The following TUBA3C variants were observed in gnomAD, a reference collection of about 807,000 sequenced individuals.
TUBA3C encodes the protein tubulin alpha-3C chain.
Under a neutral mutation model 33.4 loss-of-function variants are expected in TUBA3C, and 23 were observed. The observed-to-expected ratio is 0.69, with a 90% CI of 0.50 to 0.98. The LOEUF is 0.98. TUBA3C is among the 50% of genes least tolerant of loss of function. TUBA3C has a pLI of 0.00. For synonymous variants in TUBA3C, 269 were observed against 250.4 expected, an observed-to-expected ratio of 1.07 and a Z score of -0.70; for missense variants, 402 against 616.0, an observed-to-expected ratio of 0.65 and a Z score of 3.68.
chr13:19,178,396 T>C lies in TUBA3C; in HGVS notation c.227-2A>G, dbSNP rs1349773813. On this transcript the variant is annotated splice_acceptor_variant, in intron 2 of 4. Transcript: ENST00000400113. LOFTEE classifies it high-confidence loss of function. ...TATAGGTTCCTGTGCGCACTTCATC[T>C]ACAAAAGAGACCGTATGTACTGTGA... 22 of 1,613,530 alleles carry C rather than the reference T, an allele frequency of 1.4e-5. No homozygotes were observed. The highest frequency in any genetic ancestry group is 1.9e-5 in the Non-Finnish European group (22 of 1,179,706).
rs376166609 is a variant in TUBA3C, at chr13:19,180,775, G to A, written c.3+970C>T. On this transcript the variant is annotated intron_variant, in intron 1 of 4. Transcript: ENST00000400113. ...CTCCCAAAGTGCTGGGATTACAGGC[G>A]TGAGCCACAGCGCCCGGCCGAAAAA... is the stretch of plus-strand genomic sequence containing the variant. 4.7e-4 allele frequency among the ~76,000 whole-genome samples: 72 copies of A among 151,888 alleles called. 1 individual carries two copies. Among genetic ancestry groups the A allele is most frequent in the Middle Eastern group, 3.4e-3 (1 of 294 alleles).
chr13:19,180,409 G>A (rs972417681), intron 1 of TUBA3C, among the ~76,000 whole-genome samples: 6 of 152,196 alleles, frequency 3.9e-5, no homozygotes, highest in African/African-American at 7.2e-5. Context: ...CTGACAAGCC[G>A]GATGTGGTGG....
chr13:19,176,763 A>G (rs2774491), intron 4 of TUBA3C, among the ~76,000 whole-genome samples, 164 bp downstream of exon 4: 7 of 144,054 alleles, frequency 4.9e-5, no homozygotes, highest in Non-Finnish European at 1.1e-4. Context: ...AAAAAAAGAC[A>G]TCACTGAATT....
chr13:19,174,387 G>C (rs1426365252), intron 4 of TUBA3C, among the ~76,000 whole-genome samples: 1 of 151,450 alleles, frequency 6.6e-6, no homozygotes, highest in Non-Finnish European at 1.5e-5. Flanking sequence ...ACCCACCCCA[G>C]CCTCCCAAAG....
In TUBA3C at chr13:19,173,899, G is replaced by C; in HGVS notation, c.1317C>G (p.Ser439=). 6.2e-7 allele frequency: 1 copy of C among 1,613,794 alleles called. No individual in the cohort carries two copies. The highest frequency in any genetic ancestry group is 8.5e-7 in the Non-Finnish European group (1 of 1,179,788). The part of the protein sequence containing the change: ...EKDYEEVGVD[S]VEAEAEEGEE... The stretch of plus-strand genomic sequence containing the variant: ...CACCTTCTTCAGCCTCGGCTTCCAC[G>C]GAATCCACGCCCACCTCTTCATAAT... The change falls in exon 5 of 5, where the codon TCC becomes TCG. Residue 439 remains serine (S), a synonymous_variant. Coordinates refer to ENST00000400113, the MANE Select transcript of TUBA3C (RefSeq NM_006001.3).
At position 19,177,717 on chromosome 13, in the gene TUBA3C, A is replaced by G. The variant is rs970617781; in HGVS notation, c.376-110T>C. 5 of 1,368,678 alleles carry G rather than the reference A, an allele frequency of 3.7e-6. No homozygotes were observed. The highest frequency in any genetic ancestry group is 4.9e-6 in the Non-Finnish European group (5 of 1,017,746). The allele number at this position is 1,368,678 out of a possible 1,614,324, so 84.8% of individuals were successfully genotyped here. On this transcript the variant is annotated intron_variant, in intron 3 of 4. Transcript: ENST00000400113. The surrounding 1 kb of genome is among the most constrained non-coding windows in gnomAD (Gnocchi z 5.0). Reference sequence around the variant, plus strand: ...TGAAGACTTGATATGGATTCCAATCATCCATAATAAACACGCAGTACACTC... The same window carrying G: ...TGAAGACTTGATATGGATTCCAATCGTCCATAATAAACACGCAGTACACTC...
chr13:19,180,145 CAGG>C (rs1420351042), intron 1 of TUBA3C, among the ~76,000 whole-genome samples: 2 of 152,174 alleles, frequency 1.3e-5, no homozygotes. Context: ...CAGGCAGCCG[CAGG>C]AGACCAGGAG....
At position 19,178,333 on chromosome 13, in the gene TUBA3C, C is replaced by T; in HGVS notation, c.288G>A (p.Lys96=). ...LFHPEQLITG[K]EDAANNYARG... ...TGGCGTAATTATTGGCCGCATCTTCCTTCCCGGTGATCAGCTGCTCTGGGT... is the reference window on the plus strand; with the variant it reads ...TGGCGTAATTATTGGCCGCATCTTCTTTCCCGGTGATCAGCTGCTCTGGGT... Residue 96 remains lysine, a synonymous_variant, in exon 3 of 5, where the codon AAG becomes AAA. Coordinates refer to ENST00000400113, the MANE Select transcript of TUBA3C (RefSeq NM_006001.3). 6.2e-7 allele frequency: 1 copy of T among 1,614,180 alleles called. No individual in the cohort carries two copies. Among genetic ancestry groups the T allele is most frequent in the African/African-American group, 1.3e-5 (1 of 75,048 alleles).
intron 1 of TUBA3C, among the ~76,000 whole-genome samples, chr13:19,180,326 C>T (rs776871557): frequency 6.6e-6 from 1 of 152,030 alleles, no homozygotes; most frequent in Non-Finnish European, 1.5e-5. Flanking sequence ...CCCCTTGAAG[C>T]CTAGGAGTGT....
chr13:19,181,729 A>G lies in TUBA3C; in HGVS notation c.3+16T>C. ...CCAGCCTGGGCGTCTGCGGGGTGGG[A>G]GTGACCTGGCCTTACCATGTTGAGC... is the stretch of plus-strand genomic sequence containing the variant. On this transcript the variant is annotated intron_variant, in intron 1 of 4. Transcript: ENST00000400113. 1 of 1,602,068 alleles carries G rather than the reference A, an allele frequency of 6.2e-7. No homozygotes were observed. The highest frequency in any genetic ancestry group is 8.5e-7 in the Non-Finnish European group (1 of 1,179,912).
Position 19,181,741 on chromosome 13 carries a change from T to C in TUBA3C, c.3+4A>G, listed in dbSNP as rs1374044074. 10 of 1,602,314 alleles carry C rather than the reference T, an allele frequency of 6.2e-6. No homozygotes were observed. In the East Asian group the frequency reaches 1.8e-4, roughly 29 times the overall value. ...TCTGCGGGGTGGGAGTGACCTGGCC[T>C]TACCATGTTGAGCTCCTCCGCTGCC... On this transcript the variant is annotated splice_donor_region_variant and intron_variant, in intron 1 of 4. Transcript: ENST00000400113.
At position 19,177,023 on chromosome 13, in the gene TUBA3C, C is replaced by T. The variant is rs776374762; in HGVS notation, c.960G>A (p.Arg320=). The change falls in exon 4 of 5, where the codon AGG becomes AGA. Residue 320 remains arginine, a synonymous_variant. Coordinates refer to ENST00000400113, the MANE Select transcript of TUBA3C (RefSeq NM_006001.3). The surrounding 1 kb of genome is among the most constrained non-coding windows in gnomAD (Gnocchi z 5.0). ...GKYMACCMLY[R]GDVVPKDVNA... ...TGACATCTTTCGGGACCACATCCCC[C>T]CTGTACAACATGCAGCAGGCCATGT... 5.0e-6 allele frequency: 8 copies of T among 1,614,038 alleles called. No homozygotes were observed. The highest frequency in any genetic ancestry group is 2.2e-5 in the East Asian group (1 of 44,886).
chr13:19,176,837 C>T lies in TUBA3C; in HGVS notation c.1056+90G>A. 2.1e-6 allele frequency: 3 copies of T among 1,409,332 alleles called. No individual in the cohort carries two copies. In the South Asian group the frequency reaches 3.9e-5, roughly 18 times the overall value. 87.3% of individuals were successfully genotyped at this position (1,409,332 alleles called of 1,614,324 possible). The stretch of plus-strand genomic sequence containing the variant: ...TAGCCCATGGAATAGGGGTAGTATC[C>T]TCAAAGGATGTGGGCCTTCAGGGGC... On this transcript the variant is annotated intron_variant, in intron 4 of 4. Transcript: ENST00000400113.
chr13:19,181,213 G>A (rs890153373), intron 1 of TUBA3C, among the ~76,000 whole-genome samples: 2 of 151,738 alleles, frequency 1.3e-5, no homozygotes, highest in African/African-American at 2.4e-5. Context: ...CCTCCACCCC[G>A]GGAATTTTTC....
rs368126322 is a variant in TUBA3C at position 19,174,109 on chromosome 13, G to C, written c.1107C>G (p.Ala369=). ...PPTVVPGGDL[A]KVQRAVCMLS... ...GCATGCACACAGCCCGCTGCACCTTGGCCAGGTCTCCCCCAGGGACCACCG... is the reference window on the plus strand; with the variant it reads ...GCATGCACACAGCCCGCTGCACCTTCGCCAGGTCTCCCCCAGGGACCACCG... Residue 369 remains alanine (A), a synonymous_variant, in exon 5 of 5, where the codon GCC becomes GCG. Transcript: ENST00000400113. The C allele has an allele frequency of 5.4e-5, 87 of 1,613,956 alleles. No individual in the cohort carries two copies. The East Asian group carries it at 8.0e-4, about 15-fold the overall frequency.
At chr13:19,178,524 C>T in intron 2 of TUBA3C, 130 bp from the exon 3 acceptor site, 2 of 1,229,224 alleles carry the variant, frequency 1.6e-6, no homozygotes, top group South Asian at 2.1e-5. Context: ...TGTAGGTCAA[C>T]AGTGGCAGTG....
At position 19,177,121 on chromosome 13, in the gene TUBA3C, C is replaced by T. The variant is rs747244144; in HGVS notation, c.862G>A (p.Val288Met). ...AAGCAGGCATTGGTGATCTCAGCCA[C>T]GGACAGCTGCTCGTGGTAGGCCTTC... Reference protein sequence around the residue: ...AEKAYHEQLSVAEITNACFEP... With the variant: ...AEKAYHEQLSMAEITNACFEP... Residue 288 changes from valine (V) to methionine (M), a missense_variant, in exon 4 of 5, where the codon GTG becomes ATG. Physicochemically the swap from Val to Met is conservative, Grantham distance 21. Coordinates refer to ENST00000400113, the MANE Select transcript of TUBA3C (RefSeq NM_006001.3). The surrounding 1 kb of genome is among the most constrained non-coding windows in gnomAD (Gnocchi z 5.0). The T allele has an allele frequency of 5.3e-5, 85 of 1,614,000 alleles. No homozygotes were observed. The highest frequency in any genetic ancestry group is 6.4e-5 in the Non-Finnish European group (75 of 1,180,046).
rs1488555069 is a variant in TUBA3C, at chr13:19,177,584, C to T, written c.399G>A (p.Gln133=). The part of the protein sequence containing the change: ...RKLADLCTGL[Q]GFLIFHSFGG... ...CAAAACTGTGGAAGATGAGGAAGCC[C>T]TGCAGTCCCGTGCACAGATCCGCCT... is the stretch of plus-strand genomic sequence containing the variant. Residue 133 remains glutamine (Q), a synonymous_variant, in exon 4 of 5, where the codon CAG becomes CAA. Coordinates refer to ENST00000400113, the MANE Select transcript of TUBA3C (RefSeq NM_006001.3). The surrounding 1 kb of genome is among the most constrained non-coding windows in gnomAD (Gnocchi z 5.0). 6.2e-7 allele frequency: 1 copy of T among 1,602,558 alleles called. No individual in the cohort carries two copies. The highest frequency in any genetic ancestry group is 1.3e-5 in the African/African-American group (1 of 74,814).
In TUBA3C at chr13:19,173,892, C is replaced by T; in HGVS notation, c.1324G>A (p.Ala442Thr). ...TATTCTTCACCTTCTTCAGCCTCGG[C>T]TTCCACGGAATCCACGCCCACCTCT... ...YEEVGVDSVE[A>T]EAEEGEEY is the part of the protein sequence containing the mutation. The change falls in exon 5 of 5, where the codon GCC becomes ACC. Residue 442 changes from alanine to threonine, a missense_variant. Transcript: ENST00000400113. 6.2e-7 allele frequency: 1 copy of T among 1,614,076 alleles called. No homozygotes were observed. Among genetic ancestry groups the T allele is most frequent in the Non-Finnish European group, 8.5e-7 (1 of 1,179,990 alleles).
Sources: allele counts gnomAD v4.1 joint callset (sites outside exome capture counted in the v4.1 genomes callset), GRCh38; gene constraint gnomAD v4.1.1; non-coding constraint Gnocchi (gnomAD v3.1); transcripts MANE v1.5; gene names NCBI Gene and HGNC (gene_info 2026-07-23, HGNC 2026-07-21).